CALD1: variants seen among roughly 807,000 people sequenced by gnomAD.
CALD1 encodes caldesmon.
A neutral mutation model predicts 99.9 loss-of-function variants in CALD1; 33 were observed. The ratio of observed to expected loss-of-function variants is 0.33; its 90% CI spans 0.25 to 0.44. The LOEUF is 0.44. Among genes scored for constraint, CALD1 ranks in the 20% least tolerant of loss-of-function variants. The pLI, the probability that CALD1 is intolerant of heterozygous loss-of-function variation, is 1.00. For synonymous variants in CALD1, 310 were observed against 325.0 expected (o/e 0.95, Z 0.50); for missense variants, 861 against 962.1 (o/e 0.89, Z 1.39).
chr7:134,965,252 G>C, intron 13 of CALD1, 54 bp from the exon 14 acceptor site: 2 of 854,666 alleles, frequency 2.3e-6, no homozygotes, highest in Non-Finnish European at 2.1e-6. Context: ...TTTAGAGCTG[G>C]CTAGAAAATA....
At chr7:134,838,291 C>G (rs1799523187) in intron 1 of CALD1, among the ~76,000 whole-genome samples, 2 of 152,212 alleles carry the variant, frequency 1.3e-5, no homozygotes, top group South Asian at 4.2e-4. Flanking sequence ...ATACACTAAA[C>G]TACAAGCATA....
At chr7:134,920,678 T>G (rs1804549360) in intron 3 of CALD1, 2 of 1,289,190 alleles carry the variant, frequency 1.6e-6, no homozygotes, top group Non-Finnish European at 2.0e-6. Flanking sequence ...AATGCAGAAA[T>G]TTTAGAGCTG....
chr7:134,870,530 G>A (rs1801019765), intron 3 of CALD1, among the ~76,000 whole-genome samples: 1 of 152,130 alleles, frequency 6.6e-6, no homozygotes, highest in African/African-American at 2.4e-5. Flanking sequence ...AATGTCAGAT[G>A]TAAAAGGAAT....
At chr7:134,766,141 CTTTTTTTTTTT>C (rs71172475) in intron 1 of CALD1, among the ~76,000 whole-genome samples, 12 of 70,804 alleles carry the variant, frequency 1.7e-4, no homozygotes, top group East Asian at 8.4e-4. Context: ...CTTTTCTTTT[CTTTTTTTTTTT>C]TTTTTTTTTT....
At chr7:134,955,837 T>G (rs1002506697) in intron 9 of CALD1, among the ~76,000 whole-genome samples, 1 of 152,206 alleles carries the variant, frequency 6.6e-6, no homozygotes, top group Non-Finnish European at 1.5e-5. Context: ...GTACTGAGTA[T>G]ATTATTTATT....
intron 2 of CALD1, among the ~76,000 whole-genome samples, chr7:134,845,911 C>T (rs1213937473): frequency 2.6e-5 from 4 of 152,158 alleles, no homozygotes; most frequent in Non-Finnish European, 5.9e-5. Context: ...TTTTTTCTCC[C>T]CTAGTGTTTT....
chr7:134,952,119 G>A (rs1204532257), intron 9 of CALD1, among the ~76,000 whole-genome samples: 4 of 152,002 alleles, frequency 2.6e-5, no homozygotes, highest in African/African-American at 7.2e-5. Context: ...TGGCCAATCT[G>A]GTGAAACCCC....
At chr7:134,854,610 T>C (rs1290876316) in intron 2 of CALD1, among the ~76,000 whole-genome samples, 1 of 152,068 alleles carries the variant, frequency 6.6e-6, no homozygotes, top group African/African-American at 2.4e-5. Flanking sequence ...AAACTAACCA[T>C]CTCTATTTTC....
In CALD1 at chr7:134,933,602, A is replaced by G; in HGVS notation, c.833A>G (p.Glu278Gly). The G allele has an allele frequency of 6.2e-7, 1 of 1,613,030 alleles. No individual in the cohort carries two copies. Among genetic ancestry groups the G allele is most frequent in the Non-Finnish European group, 8.5e-7 (1 of 1,179,558 alleles). The change falls in exon 5 of 15, where the codon GAA becomes GGA. Residue 278 changes from glutamate (E) to glycine (G), a missense_variant. Glu to Gly is a moderately conservative substitution (Grantham distance 98). Around this residue, in one of 5 missense-constraint regions of CALD1, gnomAD observed 234 missense variants for 233.1 expected, o/e 1.00. Transcript: ENST00000361675. Reference protein sequence around the residue: ...ERARLEAEERERIKAEQDKKI... With the variant: ...ERARLEAEERGRIKAEQDKKI... Reference sequence around the variant, plus strand: ...GCAAGGTTGGAAGCAGAAGAAAGAGAAAGAATTAAAGCCGAGCAAGACAAA... The same window carrying G: ...GCAAGGTTGGAAGCAGAAGAAAGAGGAAGAATTAAAGCCGAGCAAGACAAA...
chr7:134,919,421 A>G (rs1804450815), intron 3 of CALD1, among the ~76,000 whole-genome samples: 1 of 152,222 alleles, frequency 6.6e-6, no homozygotes, highest in African/African-American at 2.4e-5. Context: ...GTTCTGCAGC[A>G]TATTTCCCCT....
intron 3 of CALD1, among the ~76,000 whole-genome samples, chr7:134,870,576 C>A (rs1280589967): frequency 1.3e-5 from 2 of 152,154 alleles, no homozygotes; most frequent in Non-Finnish European, 2.9e-5. Context: ...CCCTGAATAA[C>A]CTAAAATAAA....
intron 14 of CALD1, 147 bp downstream of exon 14, chr7:134,965,533 A>G: frequency 3.5e-6 from 2 of 578,812 alleles, no homozygotes; most frequent in Non-Finnish European, 6.3e-6. Context: ...AGTACATAAC[A>G]CAGTGAAATG....
At chr7:134,922,705 C>A (rs1256441697) in intron 3 of CALD1, among the ~76,000 whole-genome samples, 1 of 152,166 alleles carries the variant, frequency 6.6e-6, no homozygotes, top group African/African-American at 2.4e-5. Flanking sequence ...TATATTTAGA[C>A]CCTGGCCCTT....
At chr7:134,941,281 AAG>A in intron 7 of CALD1, 44 bp downstream of exon 7, 2 of 1,490,720 alleles carry the variant, frequency 1.3e-6, no homozygotes, top group South Asian at 1.3e-5. Context: ...TTCACATGCA[AAG>A]AAAAAAAAAA....
intron 1 of CALD1, among the ~76,000 whole-genome samples, chr7:134,820,708 C>T (rs999753275): frequency 3.3e-5 from 5 of 152,024 alleles, no homozygotes; most frequent in Non-Finnish European, 7.4e-5. Context: ...ATGCTAGATG[C>T]CCAATTTCAA....
intron 1 of CALD1, among the ~76,000 whole-genome samples, chr7:134,834,313 T>C (rs78772345): frequency 0.11 from 16,256 of 152,256 alleles, 912 homozygotes; most frequent in Non-Finnish European, 0.11. Context: ...GAGATAATTA[T>C]ATGAAAACTG....
intron 3 of CALD1, among the ~76,000 whole-genome samples, chr7:134,873,537 T>C (rs1384993177): frequency 1.3e-5 from 2 of 152,340 alleles, no homozygotes; most frequent in East Asian, 1.9e-4. Flanking sequence ...TTTATGTGTG[T>C]CTAGTAAAGA....
At chr7:134,824,124 C>CATTTTAATT (rs1491448530) in intron 1 of CALD1, among the ~76,000 whole-genome samples, 15 of 152,272 alleles carry the variant, frequency 9.9e-5, no homozygotes, top group African/African-American at 2.9e-4. Context: ...TTTAATTTTT[C>CATTTTAATT]ACAGTCTTGA....
chr7:134,758,079 T>C (rs1796745413), intron 1 of CALD1, among the ~76,000 whole-genome samples: 1 of 152,188 alleles, frequency 6.6e-6, no homozygotes, highest in East Asian at 1.9e-4. Context: ...ACAGTTTACG[T>C]GGGCCCACCC....
Sources: allele counts gnomAD v4.1 joint callset (sites outside exome capture counted in the v4.1 genomes callset), GRCh38; gene constraint gnomAD v4.1.1; regional missense constraint gnomAD v4.1.1; transcripts MANE v1.5; gene names NCBI Gene and HGNC (gene_info 2026-07-23, HGNC 2026-07-21).